The following ELMO1 variants were observed in gnomAD, a reference collection of about 807,000 sequenced individuals.
The protein encoded by ELMO1 is engulfment and cell motility protein 1.
ELMO1 carries 26 observed loss-of-function variants against 98.9 expected under a neutral mutation model. That is an observed-to-expected ratio of 0.26 (90% CI 0.19 to 0.36). The LOEUF (loss-of-function observed/expected upper bound fraction) is 0.36, where lower values mean the gene tolerates loss of function less well. ELMO1 is among the 10% of genes least tolerant of loss of function. The probability of loss-of-function intolerance (pLI) is 1.00; values close to 1 mark genes in which losing one functional copy is unlikely to be tolerated. For missense variants in ELMO1, 627 were observed against 935.2 expected (o/e 0.67, Z 4.30); for synonymous variants, 346 against 346.0 (o/e 1.00, Z 0.00).
chr7:37,235,649 T>C (rs969839454), intron 7 of ELMO1, among the ~76,000 whole-genome samples: 4 of 152,182 alleles, frequency 2.6e-5, no homozygotes, highest in Non-Finnish European at 5.9e-5. Context: ...AATCAAACTA[T>C]TAGCCTAGTG....
chr7:37,246,961 T>C (rs1255741429), intron 6 of ELMO1, among the ~76,000 whole-genome samples: 2 of 152,226 alleles, frequency 1.3e-5, no homozygotes, highest in Non-Finnish European at 2.9e-5. Flanking sequence ...TGTGTCTTCA[T>C]TTGCAATTCA....
At chr7:37,228,408 G>C (rs1793983341) in intron 8 of ELMO1, among the ~76,000 whole-genome samples, 1 of 152,196 alleles carries the variant, frequency 6.6e-6, no homozygotes, top group South Asian at 2.1e-4. Context: ...ATTTATCCCA[G>C]CTCCATTACT....
chr7:37,160,919 C>A (rs543039669), intron 13 of ELMO1, among the ~76,000 whole-genome samples: 10 of 152,288 alleles, frequency 6.6e-5, no homozygotes, highest in African/African-American at 2.2e-4. Context: ...GAGAGACCAA[C>A]CTGGGTTCCA....
intron 13 of ELMO1, among the ~76,000 whole-genome samples, chr7:37,174,934 G>A (rs942654149): frequency 5.3e-5 from 8 of 152,002 alleles, no homozygotes; most frequent in Admixed American, 1.3e-4. Context: ...AGCATAAAGC[G>A]ACATTTTCTT....
intron 18 of ELMO1, 130 bp from the exon 19 acceptor site, chr7:36,878,247 G>T: frequency 1.5e-6 from 1 of 669,936 alleles, no homozygotes; most frequent in Admixed American, 2.6e-5. Context: ...GAGGAAGAAT[G>T]AATTCTAGGG....
At chr7:37,163,508 A>C (rs948180303) in intron 13 of ELMO1, among the ~76,000 whole-genome samples, 48 of 143,418 alleles carry the variant, frequency 3.3e-4, no homozygotes, top group Non-Finnish European at 1.8e-4. Flanking sequence ...CCAACCCCAC[A>C]ACAGTCCCCA....
intron 13 of ELMO1, among the ~76,000 whole-genome samples, chr7:37,175,793 GC>G (rs1790466981): frequency 6.6e-6 from 1 of 152,192 alleles, no homozygotes; most frequent in African/African-American, 2.4e-5. Flanking sequence ...GTTGCAGTGA[GC>G]CGAGATTGTA....
chr7:37,293,404 G>T (rs1183223936), intron 4 of ELMO1, among the ~76,000 whole-genome samples: 2 of 89,492 alleles, frequency 2.2e-5, no homozygotes, highest in Non-Finnish European at 5.4e-5. Flanking sequence ...GGATCCTGTT[G>T]ATCGGTGACC....
Position 37,217,575 on chromosome 7 carries a change from T to C in ELMO1, c.781-880A>G, listed in dbSNP as rs1268277835. ...GATTTCTACTAAGGTTAAAACAAAT[T>C]TGCAGAAAGCAAAGAAAACCAAGAA... On this transcript the variant is annotated intron_variant, in intron 10 of 21. Transcript: ENST00000310758. 4 of 390,422 alleles carry C rather than the reference T, an allele frequency of 1.0e-5. No homozygotes were observed. In the East Asian group the frequency reaches 2.2e-4, roughly 21 times the overall value. The allele number at this position is 390,422 out of a possible 1,614,324, so 24.2% of individuals were successfully genotyped here.
chr7:36,940,729 TAAAAG>T (rs1340239691), intron 16 of ELMO1, among the ~76,000 whole-genome samples: 2 of 152,296 alleles, frequency 1.3e-5, no homozygotes, highest in South Asian at 2.1e-4. Flanking sequence ...CTTAGGGAAA[TAAAAG>T]AAACTCTCAC....
At chr7:37,375,454 G>A (rs9969311) in intron 1 of ELMO1, 123,919 of 655,996 alleles carry the variant, frequency 0.19, 16,901 homozygotes, top group East Asian at 0.6. Flanking sequence ...CAGTCAGCCC[G>A]TGAGGTTCGA....
Position 37,437,931 on chromosome 7 carries a change from C to T in ELMO1, c.-74+10744G>A, listed in dbSNP as rs1805217539. Among the ~76,000 whole-genome samples, 2 of 11,136 alleles carry T rather than the reference C, an allele frequency of 1.8e-4. 1 individual carries two copies. The highest frequency in any genetic ancestry group is 4.9e-4 in the African/African-American group (2 of 4,058). 7.3% of individuals were successfully genotyped at this position (11,136 alleles called of 152,430 possible). On this transcript the variant is annotated intron_variant, in intron 1 of 21. Coordinates refer to ENST00000310758, the MANE Select transcript of ELMO1 (RefSeq NM_014800.11). Reference sequence around the variant, plus strand: ...GAGCTTGCAGTGAGCCGAGATTGCGCCACTGCAGTCCGCAGTCCGGCCTGG... The same window carrying T: ...GAGCTTGCAGTGAGCCGAGATTGCGTCACTGCAGTCCGCAGTCCGGCCTGG...
At chr7:37,262,400 T>C (rs1796020656) in intron 5 of ELMO1, among the ~76,000 whole-genome samples, 1 of 152,194 alleles carries the variant, frequency 6.6e-6, no homozygotes, top group South Asian at 2.1e-4. Context: ...CTCCCAGTAA[T>C]AGCAGTAAAG....
At chr7:37,448,926 C>A (rs1805782757), upstream of ELMO1, 1 of 152,590 alleles carries the variant, frequency 6.6e-6, no homozygotes, top group Admixed American at 6.5e-5. Context: ...CTTCCTCCTG[C>A]TGGCCAGAGA....
At chr7:37,147,875 G>A (rs1351905719) in intron 13 of ELMO1, among the ~76,000 whole-genome samples, 1 of 150,552 alleles carries the variant, frequency 6.6e-6, no homozygotes, top group African/African-American at 2.5e-5. Context: ...GAAATAAAAA[G>A]AAAGGTGTGT....
chr7:37,361,665 T>G (rs1204858600), intron 1 of ELMO1, among the ~76,000 whole-genome samples: 3 of 152,306 alleles, frequency 2.0e-5, no homozygotes, highest in Middle Eastern at 3.4e-3. Context: ...AAAATTACAT[T>G]GATAGCATGT....
intron 16 of ELMO1, 77 bp from the exon 17 acceptor site, chr7:36,895,094 C>T (rs1438859940): frequency 1.3e-6 from 2 of 1,553,092 alleles, no homozygotes; most frequent in Non-Finnish European, 1.8e-6. Context: ...GAGTTAAGGG[C>T]TCCCTGCTTC....
chr7:37,178,422 T>TC (rs1168192621), intron 13 of ELMO1, among the ~76,000 whole-genome samples: 3 of 109,712 alleles, frequency 2.7e-5, no homozygotes, highest in African/African-American at 1.1e-4. Context: ...GAGCTACAAT[T>TC]CCCCATCTCT....
At chr7:37,113,147 G>A (rs1035582) in intron 14 of ELMO1, among the ~76,000 whole-genome samples, 14,548 of 152,314 alleles carry the variant, frequency 0.096, 861 homozygotes, top group African/African-American at 0.16. Flanking sequence ...GTTCCAGATA[G>A]AGATCTACTT....
Sources: gnomAD v4.1 joint callset for allele counts (sites outside exome capture counted in the v4.1 genomes callset) on GRCh38, gnomAD v4.1.1 for gene constraint, MANE v1.5 for transcripts, NCBI Gene and HGNC (gene_info 2026-07-23, HGNC 2026-07-21) for gene names.